PHF21B: variants seen among roughly 807,000 people sequenced by gnomAD.
The protein encoded by PHF21B is PHD finger protein 21B.
In PHF21B, 22 loss-of-function variants were observed where a neutral mutation model predicts 62.2. The ratio of observed to expected loss-of-function variants is 0.35; its 90% CI spans 0.25 to 0.51. The LOEUF is 0.51. PHF21B is among the 20% of genes least tolerant of loss of function. The pLI is 0.97. For missense variants in PHF21B, 701 were observed against 707.9 expected, an observed-to-expected ratio of 0.99 and a Z score of 0.11; for synonymous variants, 341 against 314.7, an observed-to-expected ratio of 1.08 and a Z score of -0.88.
intron 5 of PHF21B, chr22:44,902,366 G>C: frequency 2.9e-6 from 1 of 345,068 alleles, no homozygotes; most frequent in East Asian, 8.0e-5. Context: ...TCAGCTCCAG[G>C]GCTACCTGAG....
At chr22:45,007,653 G>T (rs1487587462) in intron 2 of PHF21B, among the ~76,000 whole-genome samples, 2 of 147,186 alleles carry the variant, frequency 1.4e-5, no homozygotes, top group Admixed American at 1.4e-4. Flanking sequence ...CATTGGCTGC[G>T]CCGCTCAAAG....
At chr22:45,004,798 C>G (rs2073285152) in intron 2 of PHF21B, among the ~76,000 whole-genome samples, 1 of 152,224 alleles carries the variant, frequency 6.6e-6, no homozygotes. Context: ...TGGGCGCGCA[C>G]ACAACACCTT....
intron 3 of PHF21B, among the ~76,000 whole-genome samples, chr22:44,919,695 C>T (rs1354869326): frequency 6.6e-6 from 1 of 152,270 alleles, no homozygotes; most frequent in Non-Finnish European, 1.5e-5. Flanking sequence ...CTCAACAAAG[C>T]TGAGCTTGTG....
intron 2 of PHF21B, among the ~76,000 whole-genome samples, chr22:44,963,447 T>G (rs1056791991): frequency 7.2e-5 from 11 of 152,220 alleles, no homozygotes; most frequent in Non-Finnish European, 1.3e-4. Context: ...AAGCCCTCAC[T>G]TCTATCAAGC....
intron 2 of PHF21B, among the ~76,000 whole-genome samples, chr22:44,987,776 C>G (rs2147496883): frequency 6.6e-6 from 1 of 152,128 alleles, no homozygotes; most frequent in East Asian, 1.9e-4. Context: ...CTCTCTCTCT[C>G]TCTCTCTCTC....
intron 2 of PHF21B, among the ~76,000 whole-genome samples, chr22:44,968,136 C>T (rs912882487): frequency 1.3e-5 from 2 of 152,110 alleles, no homozygotes; most frequent in African/African-American, 4.8e-5. Context: ...GGGAGAAAGC[C>T]ACTGCGCCCA....
At chr22:45,006,892 C>G (rs1022231937) in intron 2 of PHF21B, among the ~76,000 whole-genome samples, 1 of 151,156 alleles carries the variant, frequency 6.6e-6, no homozygotes, top group Non-Finnish European at 1.5e-5. Flanking sequence ...TGATTTGATT[C>G]TACGCAGTGA....
chr22:44,968,643 C>CAAAAAA (rs57203297), intron 2 of PHF21B, among the ~76,000 whole-genome samples: 1 of 113,776 alleles, frequency 8.8e-6, no homozygotes, highest in Non-Finnish European at 1.9e-5. Context: ...GATTCCATCT[C>CAAAAAA]AAAAAAAAAA....
At chr22:44,993,209 G>C (rs963206629) in intron 2 of PHF21B, among the ~76,000 whole-genome samples, 3 of 152,152 alleles carry the variant, frequency 2.0e-5, no homozygotes, top group African/African-American at 7.2e-5. Flanking sequence ...CATTCTGGCT[G>C]GGATACAGTT....
rs1041270074 is a variant in PHF21B at position 44,881,453 on chromosome 22, T to C, written c.*1633A>G. The C allele has an allele frequency of 4.6e-5, 7 of 152,684 alleles. No individual in the cohort carries two copies. Among genetic ancestry groups the C allele is most frequent in the African/African-American group, 1.7e-4 (7 of 41,462 alleles). 9.5% of individuals were successfully genotyped at this position (152,684 alleles called of 1,614,324 possible). On this transcript the variant is annotated 3_prime_UTR_variant, in exon 13 of 13. Transcript: ENST00000313237. ...CGCAAGCCACGCGGTAATGCATACT[T>C]GGCACAGAGTAGCCAATATAGAAGA... is the stretch of plus-strand genomic sequence containing the variant.
At chr22:44,929,079 A>G (rs2071690272) in intron 2 of PHF21B, among the ~76,000 whole-genome samples, 2 of 152,236 alleles carry the variant, frequency 1.3e-5, no homozygotes, top group Non-Finnish European at 2.9e-5. Flanking sequence ...CGGCAATTTA[A>G]TTGCTTCTCG....
intron 2 of PHF21B, chr22:45,000,681 T>C (rs2073199743): frequency 6.6e-6 from 1 of 152,190 alleles, no homozygotes; most frequent in African/African-American, 2.4e-5. Flanking sequence ...GAGTGGCTGA[T>C]GCAGGCGGCG....
intron 2 of PHF21B, among the ~76,000 whole-genome samples, chr22:44,934,716 G>A (rs1830137019): frequency 6.6e-6 from 1 of 152,096 alleles, no homozygotes; most frequent in African/African-American, 2.4e-5. Flanking sequence ...CCTGAGTCTG[G>A]GGTTAGAAGA....
At chr22:44,920,254 A>G (rs1428781953) in intron 3 of PHF21B, 144 bp downstream of exon 3, 1 of 485,412 alleles carries the variant, frequency 2.1e-6, no homozygotes, top group Non-Finnish European at 3.6e-6. Flanking sequence ...TGGATAGAAG[A>G]GGTAAGAGGG....
At chr22:44,973,707 C>T (rs917125117) in intron 2 of PHF21B, among the ~76,000 whole-genome samples, 1 of 151,310 alleles carries the variant, frequency 6.6e-6, no homozygotes, top group African/African-American at 2.4e-5. Flanking sequence ...TGAAACACAA[C>T]TAACATATAC....
At chr22:44,913,248 A>G (rs2147295945) in intron 5 of PHF21B, among the ~76,000 whole-genome samples, 1 of 152,340 alleles carries the variant, frequency 6.6e-6, no homozygotes, top group African/African-American at 2.4e-5. Context: ...AGCCTGGGGC[A>G]CAGCTACTTC....
chr22:44,945,331 G>A (rs1013773407), intron 2 of PHF21B, among the ~76,000 whole-genome samples: 2 of 152,214 alleles, frequency 1.3e-5, no homozygotes, highest in Non-Finnish European at 2.9e-5. Flanking sequence ...CCCTGTGAAT[G>A]GGGCGATTTA....
At chr22:44,941,393 G>T (rs2071953675) in intron 2 of PHF21B, among the ~76,000 whole-genome samples, 1 of 152,206 alleles carries the variant, frequency 6.6e-6, no homozygotes, top group Admixed American at 6.5e-5. Flanking sequence ...GTCCCTCTGT[G>T]ACTCGGCCTC....
chr22:44,980,264 T>A lies in PHF21B; in HGVS notation c.120+28281A>T, dbSNP rs561033600. Among the ~76,000 whole-genome samples, 69 of 152,252 alleles carry A rather than the reference T, an allele frequency of 4.5e-4. No homozygotes were observed. In the South Asian group the frequency reaches 0.013, roughly 28 times the overall value. ...AGCATGTCTGGCCCCCAGTGGAAGA[T>A]CTGGACTCCTGGAGGACAGGTTCAG... On this transcript the variant is annotated intron_variant, in intron 2 of 12. Coordinates refer to ENST00000313237, the MANE Select transcript of PHF21B (RefSeq NM_138415.5).
Sources: gnomAD v4.1 joint callset for allele counts (sites outside exome capture counted in the v4.1 genomes callset) on GRCh38, gnomAD v4.1.1 for gene constraint, MANE v1.5 for transcripts, NCBI Gene and HGNC (gene_info 2026-07-23, HGNC 2026-07-21) for gene names.